RNF128: variants seen among roughly 807,000 people sequenced by gnomAD.
RNF128 encodes E3 ubiquitin-protein ligase RNF128.
A neutral mutation model predicts 26.2 loss-of-function variants in RNF128; 13 were observed. The ratio of observed to expected loss-of-function variants is 0.50; its 90% confidence interval spans 0.32 to 0.79. The LOEUF is 0.79. RNF128 is among the 30% of genes least tolerant of loss of function. RNF128 has a pLI of 0.03. For synonymous variants in RNF128, 149 were observed against 142.5 expected (o/e 1.05, Z -0.32); for missense variants, 315 against 349.7 (o/e 0.90, Z 0.79).
Position 106,727,096 on chromosome X carries a change from G to A in RNF128, c.183G>A (p.Thr61=). 2 of 1,206,254 alleles carry A rather than the reference G, an allele frequency of 1.7e-6. No individual in the cohort carries two copies. Among genetic ancestry groups the A allele is most frequent in the Non-Finnish European group, 2.2e-6 (2 of 893,064 alleles). ...WRVPHTGVNR[T]VWELSEEGVY... is the part of the protein sequence containing the mutation. ...TTCCGCACACGGGAGTGAACCGTAC[G>A]GTGTGGGAGCTGAGCGAGGAGGGCG... The change falls in exon 1 of 7, where the codon ACG becomes ACA. Residue 61 remains threonine (T), a synonymous_variant. Transcript: ENST00000255499.
At chrX:106,775,723 A>G (rs1376632001) in intron 2 of RNF128, among the ~76,000 whole-genome samples, 1 of 112,184 alleles carries the variant, frequency 8.9e-6, no homozygotes, top group Non-Finnish European at 1.9e-5. Flanking sequence ...AGCTTAATGC[A>G]TATGCTGATT....
At chrX:106,784,192 A>G (rs1480731040) in intron 2 of RNF128, among the ~76,000 whole-genome samples, 1 of 111,816 alleles carries the variant, frequency 8.9e-6, no homozygotes, top group Non-Finnish European at 1.9e-5. Context: ...CAGCATCACC[A>G]GTAACTTCAA....
At chrX:106,762,942 T>C (rs957650914) in intron 1 of RNF128, among the ~76,000 whole-genome samples, 1 of 108,841 alleles carries the variant, frequency 9.2e-6, no homozygotes, top group Non-Finnish European at 1.9e-5. Flanking sequence ...TGAAATAATC[T>C]GTACACAAAC....
chrX:106,793,264 C>T (rs1930859182), intron 6 of RNF128, among the ~76,000 whole-genome samples: 1 of 110,890 alleles, frequency 9.0e-6, no homozygotes, highest in South Asian at 3.8e-4. Flanking sequence ...CCTGGCTATA[C>T]ATAAAAATCA....
chrX:106,700,636 C>T (rs971334406), intron 1 of RNF128, among the ~76,000 whole-genome samples: 3 of 111,703 alleles, frequency 2.7e-5, no homozygotes, highest in Admixed American at 9.5e-5. Flanking sequence ...AACAATATAA[C>T]TAAAGTCTCC....
chrX:106,790,264 C>G lies in RNF128; in HGVS notation c.966C>G (p.Leu322=), dbSNP rs756953772. 8.4e-7 allele frequency: 1 copy of G among 1,187,375 alleles called. No individual in the cohort carries two copies. Among genetic ancestry groups the G allele is most frequent in the Admixed American group, 2.2e-5 (1 of 45,682 alleles). The change falls in exon 5 of 7, where the codon CTC becomes CTG. Residue 322 remains leucine, a synonymous_variant. Transcript: ENST00000255499. ...RTCPMCKCDI[L]KALGIEVDVE... ...GCCCCATGTGCAAATGTGACATACT[C>G]AAAGCTTTGGGAATTGAGGTAAACA...
intron 1 of RNF128, among the ~76,000 whole-genome samples, chrX:106,764,978 T>C (rs1930191352): frequency 9.0e-6 from 1 of 111,520 alleles, no homozygotes; most frequent in Admixed American, 9.5e-5. Flanking sequence ...TTTGGTAAAA[T>C]TATCTCCAGA....
At chrX:106,754,951 TAAAAA>T (rs368285122) in intron 1 of RNF128, among the ~76,000 whole-genome samples, 1 of 109,941 alleles carries the variant, frequency 9.1e-6, no homozygotes, top group African/African-American at 3.3e-5. Context: ...TAAATTGAAA[TAAAAA>T]AACACAAAAC....
In RNF128 at chrX:106,726,712, G is replaced by A; in HGVS notation, c.-202G>A. The A allele has an allele frequency of 9.7e-7, 1 of 1,032,020 alleles. No individual in the cohort carries two copies. The highest frequency in any genetic ancestry group is 1.2e-6 in the Non-Finnish European group (1 of 814,039). The allele number at this position is 1,032,020 out of a possible 1,213,427, so 85.1% of individuals were successfully genotyped here. A position where few individuals can be genotyped will look rare whatever the true frequency, so the allele number is the denominator to read the frequency against. ...CCGACGCGGCAGCCGCGGTAGCGGA[G>A]AAGACTGGAGCTCCGAGGAGCTGCA... On this transcript the variant is annotated 5_prime_UTR_variant, in exon 1 of 7. Coordinates refer to ENST00000255499, the MANE Select transcript of RNF128 (RefSeq NM_194463.2).
At chrX:106,697,859 G>A (rs1159967649) in intron 1 of RNF128, among the ~76,000 whole-genome samples, 1 of 109,342 alleles carries the variant, frequency 9.1e-6, no homozygotes, top group Admixed American at 9.9e-5. Flanking sequence ...TTCCTAATTT[G>A]CTCTTGGAGT....
chrX:106,765,321 C>G (rs1930198750), intron 1 of RNF128, among the ~76,000 whole-genome samples: 1 of 112,037 alleles, frequency 8.9e-6, no homozygotes, highest in Middle Eastern at 4.2e-3. Flanking sequence ...TTGGCCCCAT[C>G]TTTTGAAAAC....
intron 1 of RNF128, among the ~76,000 whole-genome samples, chrX:106,717,145 G>C (rs1025012808): frequency 3.7e-5 from 4 of 109,176 alleles, no homozygotes; most frequent in Non-Finnish European, 5.7e-5. Flanking sequence ...GGAGCTCGCA[G>C]TGAGCCGAGA....
chrX:106,741,601 A>G (rs980304692), intron 1 of RNF128, among the ~76,000 whole-genome samples: 3 of 112,246 alleles, frequency 2.7e-5, no homozygotes, highest in Non-Finnish European at 5.6e-5. Context: ...GTAGGCAGAC[A>G]TGTCTTGTCT....
intron 1 of RNF128, among the ~76,000 whole-genome samples, chrX:106,733,576 G>A (rs1411992952): frequency 9.0e-6 from 1 of 111,384 alleles, no homozygotes; most frequent in Non-Finnish European, 1.9e-5. Flanking sequence ...GCATAACTTT[G>A]TATTCTACTT....
chrX:106,795,900 CATT>C lies in RNF128; in HGVS notation c.*190_*192del, dbSNP rs1191524042. The C allele has an allele frequency of 1.3e-5, 4 of 297,377 alleles. No homozygotes were observed. Among genetic ancestry groups the C allele is most frequent in the Non-Finnish European group, 1.7e-5 (3 of 176,073 alleles). 24.5% of individuals were successfully genotyped at this position (297,377 alleles called of 1,213,427 possible). On this transcript the variant is annotated 3_prime_UTR_variant, in exon 7 of 7. Coordinates refer to ENST00000255499, the MANE Select transcript of RNF128 (RefSeq NM_194463.2). ...ACCTGTTAACTTTTTTCCACAAACT[CATT>C]ATAATATTTTTCATAGGCAAGTTTC...
rs1930492481 is a variant in RNF128, at chrX:106,777,752, T to G, written c.732+4592T>G. Among the ~76,000 whole-genome samples, 3 of 111,433 alleles carry G rather than the reference T, an allele frequency of 2.7e-5. No homozygotes were observed. The Admixed American group carries it at 2.9e-4, about 11-fold the overall frequency. ...TGGGAGGCCGAGGCGGGTGGATCGC[T>G]TGAGCCCAGGAGTTCCAGACCAACC... On this transcript the variant is annotated intron_variant, in intron 2 of 6. Transcript: ENST00000255499.
At chrX:106,738,729 T>G (rs991716462) in intron 1 of RNF128, among the ~76,000 whole-genome samples, 2 of 112,048 alleles carry the variant, frequency 1.8e-5, no homozygotes, top group African/African-American at 6.5e-5. Context: ...TTTGTGACCT[T>G]AACCAAATTA....
intron 6 of RNF128, among the ~76,000 whole-genome samples, chrX:106,793,601 A>G (rs1930865035): frequency 9.0e-6 from 1 of 111,203 alleles, no homozygotes; most frequent in African/African-American, 3.3e-5. Context: ...CCCACATTGC[A>G]TTTAATTGTC....
intron 4 of RNF128, among the ~76,000 whole-genome samples, chrX:106,788,808 A>G (rs1294453169): frequency 1.3e-5 from 1 of 74,104 alleles, no homozygotes; most frequent in East Asian, 4.1e-4. Flanking sequence ...TATATACTGT[A>G]TATACTATAA....
Sources: gnomAD v4.1 joint callset for allele counts (sites outside exome capture counted in the v4.1 genomes callset) on GRCh38, gnomAD v4.1.1 for gene constraint, MANE v1.5 for transcripts, NCBI Gene and HGNC (gene_info 2026-07-23, HGNC 2026-07-21) for gene names.